The following MAN2A1 variants were observed in gnomAD, a reference collection of about 807,000 sequenced individuals.
The protein encoded by MAN2A1 is alpha-mannosidase 2.
A neutral mutation model predicts 142.6 loss-of-function variants in MAN2A1; 76 were observed. The observed-to-expected ratio is 0.53, with a 90% CI of 0.44 to 0.65. The LOEUF (loss-of-function observed/expected upper bound fraction) is 0.65, where lower values mean the gene tolerates loss of function less well. MAN2A1 is among the 30% of genes least tolerant of loss of function. The pLI, the probability that MAN2A1 is intolerant of heterozygous loss-of-function variation, is 0.00. For synonymous variants in MAN2A1, 559 were observed against 473.2 expected (o/e 1.18, Z -2.35); for missense variants, 1,311 against 1,365.1 (o/e 0.96, Z 0.62).
Position 109,690,147 on chromosome 5 carries a change from G to C in MAN2A1, c.-271G>C. Reference sequence around the variant, plus strand: ...CGGCGCTGAGCTTGCGATCAAGTTTGTGGGGGCCCCCCTTCCCAGTTGCCG... The same window carrying C: ...CGGCGCTGAGCTTGCGATCAAGTTTCTGGGGGCCCCCCTTCCCAGTTGCCG... On this transcript the variant is annotated 5_prime_UTR_variant, in exon 1 of 22. Coordinates refer to ENST00000261483, the MANE Select transcript of MAN2A1 (RefSeq NM_002372.4). 2.3e-6 allele frequency: 1 copy of C among 429,414 alleles called. No individual in the cohort carries two copies. The highest frequency in any genetic ancestry group is 4.3e-6 in the Non-Finnish European group (1 of 233,800). The allele number at this position is 429,414 out of a possible 1,614,324, so 26.6% of individuals were successfully genotyped here.
intron 12 of MAN2A1, among the ~76,000 whole-genome samples, chr5:109,815,577 T>A (rs1490314135): frequency 6.6e-6 from 1 of 152,234 alleles, no homozygotes; most frequent in Non-Finnish European, 1.5e-5. Flanking sequence ...GAATGTTGCT[T>A]TAACATAAAT....
chr5:109,712,178 G>T (rs545972662), intron 1 of MAN2A1, among the ~76,000 whole-genome samples: 2 of 151,588 alleles, frequency 1.3e-5, no homozygotes, highest in African/African-American at 4.9e-5. Context: ...CAAATGATTG[G>T]CCTTTTCTTG....
chr5:109,767,428 G>GATTGT (rs1048002636), intron 5 of MAN2A1, 107 bp from the exon 6 acceptor site: 1 of 849,912 alleles, frequency 1.2e-6, no homozygotes, highest in Non-Finnish European at 1.8e-6. Context: ...TCCTTGGTCT[G>GATTGT]ATATCTCTAG....
intron 7 of MAN2A1, among the ~76,000 whole-genome samples, chr5:109,773,351 A>C (rs759985987): frequency 1.3e-5 from 2 of 152,164 alleles, no homozygotes; most frequent in Non-Finnish European, 2.9e-5. Flanking sequence ...TGTATACAAG[A>C]TACTCTATAT....
chr5:109,716,040 G>A, intron 2 of MAN2A1, 80 bp from the exon 3 acceptor site: 1 of 945,108 alleles, frequency 1.1e-6, no homozygotes, highest in Non-Finnish European at 1.6e-6. Context: ...GAGTATAGCA[G>A]TGAATAATTT....
chr5:109,802,201 A>G (rs563322509), intron 12 of MAN2A1, among the ~76,000 whole-genome samples: 5 of 152,216 alleles, frequency 3.3e-5, no homozygotes, highest in African/African-American at 1.2e-4. Context: ...TAGACTGCCC[A>G]TAAGACAAAC....
chr5:109,755,561 C>A, intron 5 of MAN2A1, 105 bp downstream of exon 5: 1 of 834,412 alleles, frequency 1.2e-6, no homozygotes, highest in Non-Finnish European at 1.9e-6. Flanking sequence ...CCCTGTTAGT[C>A]ATTATTGTTG....
chr5:109,750,561 A>G (rs1752518697), intron 4 of MAN2A1, among the ~76,000 whole-genome samples: 1 of 152,116 alleles, frequency 6.6e-6, no homozygotes, highest in South Asian at 2.1e-4. Context: ...TATAAAAGAA[A>G]CTATGCTAAG....
At chr5:109,700,031 A>G (rs1266705883) in intron 1 of MAN2A1, among the ~76,000 whole-genome samples, 2 of 152,124 alleles carry the variant, frequency 1.3e-5, no homozygotes, top group African/African-American at 2.4e-5. Flanking sequence ...AGTCTCTTAT[A>G]TTCCAGCTGG....
intron 1 of MAN2A1, among the ~76,000 whole-genome samples, chr5:109,705,910 CT>C (rs1423259740): frequency 6.6e-6 from 1 of 152,218 alleles, no homozygotes; most frequent in East Asian, 1.9e-4. Context: ...CCATTTTCCT[CT>C]TTTCCTTATG....
chr5:109,817,301 C>A lies in MAN2A1; in HGVS notation c.1972C>A (p.Gln658Lys). The change falls in exon 13 of 22, where the codon CAA becomes AAA. Residue 658 changes from glutamine (Q) to lysine (K), a missense_variant. This residue lies in a region of MAN2A1 where 890 missense variants were observed against 920.5 expected (regional missense o/e 0.97). Transcript: ENST00000261483. ...RYLVVYNPLE[Q>K]DRISLVSVYV... The stretch of plus-strand genomic sequence containing the variant: ...CCTTGTGGTCTATAATCCTTTAGAA[C>A]AAGACCGAATCTCGTTGGTCTCAGT... 6.2e-7 allele frequency: 1 copy of A among 1,614,058 alleles called. No individual in the cohort carries two copies. Among genetic ancestry groups the A allele is most frequent in the Non-Finnish European group, 8.5e-7 (1 of 1,179,982 alleles).
At chr5:109,785,293 T>G (rs1210316746) in intron 10 of MAN2A1, among the ~76,000 whole-genome samples, 1 of 152,100 alleles carries the variant, frequency 6.6e-6, no homozygotes, top group African/African-American at 2.4e-5. Flanking sequence ...AGATTCCTAC[T>G]TCATTGTATG....
intron 17 of MAN2A1, among the ~76,000 whole-genome samples, chr5:109,843,613 A>G (rs950740272): frequency 3.9e-5 from 6 of 152,208 alleles, no homozygotes; most frequent in Non-Finnish European, 7.3e-5. Context: ...TTATACATAC[A>G]CAGACACACA....
chr5:109,811,013 G>C (rs948096940), intron 12 of MAN2A1, among the ~76,000 whole-genome samples: 2 of 146,722 alleles, frequency 1.4e-5, no homozygotes, highest in South Asian at 2.2e-4. Flanking sequence ...TTTAGTTTTT[G>C]TTCTTTAATC....
intron 16 of MAN2A1, among the ~76,000 whole-genome samples, chr5:109,834,828 A>G (rs1755018458): frequency 1.3e-5 from 2 of 152,214 alleles, no homozygotes; most frequent in Admixed American, 1.3e-4. Context: ...ATGAACATTT[A>G]CAGACCCAGA....
chr5:109,767,185 C>G (rs918741265), intron 5 of MAN2A1, among the ~76,000 whole-genome samples: 2 of 152,176 alleles, frequency 1.3e-5, no homozygotes, highest in Non-Finnish European at 2.9e-5. Context: ...GATCACAGGA[C>G]TGTGATATCC....
At chr5:109,813,743 C>G (rs1388738641) in intron 12 of MAN2A1, among the ~76,000 whole-genome samples, 1 of 152,174 alleles carries the variant, frequency 6.6e-6, no homozygotes, top group East Asian at 1.9e-4. Context: ...TCTTTTTTAA[C>G]ATGATATGAA....
chr5:109,797,304 A>G (rs938196316), intron 12 of MAN2A1, among the ~76,000 whole-genome samples: 3 of 146,114 alleles, frequency 2.1e-5, no homozygotes, highest in African/African-American at 7.3e-5. Flanking sequence ...TTGAGTTATA[A>G]TCTCTGAGAA....
intron 4 of MAN2A1, among the ~76,000 whole-genome samples, chr5:109,742,676 G>T (rs1281170382): frequency 1.3e-5 from 2 of 152,156 alleles, no homozygotes; most frequent in Admixed American, 6.5e-5. Flanking sequence ...TTAACTGAAG[G>T]TTGCTGTAAA....
Sources: allele counts gnomAD v4.1 joint callset (sites outside exome capture counted in the v4.1 genomes callset), GRCh38; gene constraint gnomAD v4.1.1; regional missense constraint gnomAD v4.1.1; transcripts MANE v1.5; gene names NCBI Gene and HGNC (gene_info 2026-07-23, HGNC 2026-07-21).